Variants in ZFP14 observed in about 807,000 individuals in gnomAD.
ZFP14 encodes zinc finger protein 14 homolog.
ZFP14 carries 22 observed loss-of-function variants against 54.5 expected under a neutral mutation model. That is an observed-to-expected ratio of 0.40 (90% confidence interval 0.29 to 0.58). The LOEUF (loss-of-function observed/expected upper bound fraction) is 0.58, where lower values mean the gene tolerates loss of function less well. ZFP14 is among the 20% of genes least tolerant of loss of function. The pLI is 0.39. For missense variants in ZFP14, 470 were observed against 637.8 expected, an observed-to-expected ratio of 0.74 and a Z score of 2.83; for synonymous variants, 159 against 204.0, an observed-to-expected ratio of 0.78 and a Z score of 1.88.
intron 1 of ZFP14, among the ~76,000 whole-genome samples, chr19:36,375,985 G>A (rs2031956525): frequency 2.0e-5 from 3 of 151,634 alleles, no homozygotes; most frequent in Admixed American, 1.3e-4. Context: ...GAGCCACCGC[G>A]CCCGGCCAGA....
intron 1 of ZFP14, among the ~76,000 whole-genome samples, chr19:36,374,489 C>CA (rs398034483): frequency 0.094 from 6,610 of 69,980 alleles, 190 homozygotes; most frequent in Non-Finnish European, 0.11. Context: ...GACTCTGTCT[C>CA]AAAAAAAAAA....
At chr19:36,360,675 G>A (rs1272986941) in intron 3 of ZFP14, 142 bp from the exon 4 acceptor site, 1 of 681,296 alleles carries the variant, frequency 1.5e-6, no homozygotes, top group African/African-American at 1.8e-5. Flanking sequence ...GTTGAAGAAT[G>A]CTCATATTAA....
At position 36,341,004 on chromosome 19, in the gene ZFP14, AT is replaced by A. The variant is rs777264497; in HGVS notation, c.821del (p.His274LeufsTer106). 1 of 1,614,058 alleles carries A rather than the reference AT, an allele frequency of 6.2e-7. No individual in the cohort carries two copies. The highest frequency in any genetic ancestry group is 2.2e-5 in the East Asian group (1 of 44,864). On this transcript the variant is annotated frameshift_variant, in exon 5 of 5. Coordinates refer to ENST00000270001, the MANE Select transcript of ZFP14 (RefSeq NM_020917.3). LOFTEE classifies it high-confidence loss of function. The surrounding 1 kb of genome is among the most constrained non-coding windows in gnomAD (Gnocchi z 4.2). ...GTTTCTCACCAGTGTGAATTCTCTG[AT>A]GTCGAGCCAGTTGCTGATGTACTCT... ...AFRVHQQLAR[H>X]QRIHTGEKPY... is the part of the protein sequence containing the mutation.
chr19:36,363,189 C>CTTTTTT (rs772799449), intron 2 of ZFP14, among the ~76,000 whole-genome samples: 672 of 97,724 alleles, frequency 6.9e-3, no homozygotes, highest in Non-Finnish European at 8.1e-3. Context: ...CTTTTCTTTT[C>CTTTTTT]TTTTTTTTTT....
In ZFP14 at chr19:36,362,151, C is replaced by G. The variant is rs1406035518; in HGVS notation, c.97G>C (p.Asp33His). Residue 33 changes from aspartate to histidine, a missense_variant, in exon 3 of 5, where the codon GAT becomes CAT. Coordinates refer to ENST00000270001, the MANE Select transcript of ZFP14 (RefSeq NM_020917.3). ...TTGCTGTAGTTCTCCCACATTACAT[C>G]CCTATATAAGTCCCTCTGAGCAGGA... is the stretch of plus-strand genomic sequence containing the variant. Reference protein sequence around the residue: ...LDPAQRDLYRDVMWENYSNFI... With the variant: ...LDPAQRDLYRHVMWENYSNFI... The G allele has an allele frequency of 6.2e-6, 10 of 1,610,902 alleles. No homozygotes were observed. Among genetic ancestry groups the G allele is most frequent in the Non-Finnish European group, 7.6e-6 (9 of 1,178,624 alleles).
chr19:36,365,361 C>T lies in ZFP14; in HGVS notation c.9+2523G>A, dbSNP rs189789775. Among the ~76,000 whole-genome samples the T allele has an allele frequency of 5.9e-3, 896 of 152,176 alleles. 10 individuals are homozygous for T. Among genetic ancestry groups the T allele is most frequent in the Non-Finnish European group, 8.4e-3 (571 of 68,006 alleles). On this transcript the variant is annotated intron_variant, in intron 2 of 4. Transcript: ENST00000270001. ...TTCTCATTTGCTTGGTTTCTTTCTCCACAATTTTCTTCAATACTTTTCCAA... is the reference window on the plus strand; with the variant it reads ...TTCTCATTTGCTTGGTTTCTTTCTCTACAATTTTCTTCAATACTTTTCCAA...
intron 1 of ZFP14, chr19:36,378,511 T>C (rs2031998285): frequency 6.6e-6 from 1 of 152,168 alleles, no homozygotes; most frequent in South Asian, 2.1e-4. Context: ...GGAAAGCAAA[T>C]GCCCCCACGC....
chr19:36,362,358 G>A, intron 2 of ZFP14, 120 bp from the exon 3 acceptor site: 1 of 1,094,110 alleles, frequency 9.1e-7, no homozygotes, highest in Non-Finnish European at 1.3e-6. Context: ...ACAGCATTGG[G>A]CTGAAAACTT....
At chr19:36,348,740 C>T (rs1470904609) in intron 4 of ZFP14, among the ~76,000 whole-genome samples, 1 of 152,108 alleles carries the variant, frequency 6.6e-6, no homozygotes, top group African/African-American at 2.4e-5. Flanking sequence ...GGATTTGACC[C>T]CGCCTGTGCT....
chr19:36,357,862 C>A (rs1301539734), intron 4 of ZFP14, among the ~76,000 whole-genome samples: 1 of 151,632 alleles, frequency 6.6e-6, no homozygotes, highest in Non-Finnish European at 1.5e-5. Flanking sequence ...CATGCCTCAC[C>A]CTCCCCAGTA....
rs1555754716 is a variant in ZFP14 at position 36,349,680 on chromosome 19, A to AAT, written c.236-8092_236-8091dup. Reference sequence around the variant, plus strand: ...AGACTCTGTCTCAAAACAAAAAAAAAATATATATATATATAATATATATAT... The same window carrying AAT: ...AGACTCTGTCTCAAAACAAAAAAAAAATATATATATATATATAATATATATAT... On this transcript the variant is annotated intron_variant, in intron 4 of 4. Transcript: ENST00000270001. 6.3e-3 allele frequency among the ~76,000 whole-genome samples: 861 copies of AAT among 136,828 alleles called. 12 individuals are homozygous for AAT. Among genetic ancestry groups the AAT allele is most frequent in the African/African-American group, 0.021 (824 of 38,878 alleles). The allele number at this position is 136,828 out of a possible 152,430, so 89.8% of individuals were successfully genotyped here.
intron 4 of ZFP14, among the ~76,000 whole-genome samples, chr19:36,352,625 GTC>G (rs2031545790): frequency 7.0e-6 from 1 of 142,322 alleles, no homozygotes; most frequent in South Asian, 2.2e-4. Context: ...GTGAGACACT[GTC>G]TCTACAAAAA....
chr19:36,347,671 T>C (rs1404489941), intron 4 of ZFP14, among the ~76,000 whole-genome samples: 1 of 152,030 alleles, frequency 6.6e-6, no homozygotes, highest in Non-Finnish European at 1.5e-5. Flanking sequence ...AAAAATTATT[T>C]TGAAGATTAT....
intron 1 of ZFP14, among the ~76,000 whole-genome samples, chr19:36,368,833 T>C (rs998592880): frequency 6.6e-6 from 1 of 151,934 alleles, no homozygotes; most frequent in Non-Finnish European, 1.5e-5. Context: ...CCTTCACCAC[T>C]CCTTCTCTTT....
At chr19:36,358,388 T>C (rs2031657254) in intron 4 of ZFP14, among the ~76,000 whole-genome samples, 1 of 152,122 alleles carries the variant, frequency 6.6e-6, no homozygotes, top group Non-Finnish European at 1.5e-5. Flanking sequence ...TAGGATTATA[T>C]GTGTGAGCCA....
At chr19:36,374,933 GT>G (rs1345604879) in intron 1 of ZFP14, among the ~76,000 whole-genome samples, 1 of 151,728 alleles carries the variant, frequency 6.6e-6, no homozygotes, top group Non-Finnish European at 1.5e-5. Flanking sequence ...AACAGATGCT[GT>G]TTTTTCTGAG....
At chr19:36,372,152 A>C (rs1010770435) in intron 1 of ZFP14, among the ~76,000 whole-genome samples, 8 of 152,026 alleles carry the variant, frequency 5.3e-5, no homozygotes, top group Non-Finnish European at 1.2e-4. Context: ...AGAAAGAGGA[A>C]AGAGAAAAAA....
chr19:36,344,944 A>G (rs1014284750), intron 4 of ZFP14, among the ~76,000 whole-genome samples: 2 of 152,146 alleles, frequency 1.3e-5, no homozygotes, highest in African/African-American at 4.8e-5. Flanking sequence ...AATTTATACT[A>G]TGACTTATCA....
At chr19:36,369,998 C>T (rs1178991818) in intron 1 of ZFP14, among the ~76,000 whole-genome samples, 1 of 152,124 alleles carries the variant, frequency 6.6e-6, no homozygotes, top group Non-Finnish European at 1.5e-5. Context: ...CCATGCCCAG[C>T]TAATAATCTT....
Sources: gnomAD v4.1 joint callset for allele counts (sites outside exome capture counted in the v4.1 genomes callset) on GRCh38, gnomAD v4.1.1 for gene constraint, Gnocchi (gnomAD v3.1) non-coding constraint, MANE v1.5 for transcripts, NCBI Gene and HGNC (gene_info 2026-07-23, HGNC 2026-07-21) for gene names.